The following BRD4 variants were observed in gnomAD, a reference collection of about 807,000 sequenced individuals.
BRD4 encodes bromodomain containing 4.
Under a neutral mutation model 142.1 loss-of-function variants are expected in BRD4, and 16 were observed. The observed-to-expected ratio is 0.11, with a 90% CI of 0.08 to 0.17. BRD4 has a LOEUF of 0.17. Ranked by LOEUF, BRD4 falls within the 10% of genes least tolerant of loss-of-function variation. The pLI is 1.00. For missense variants in BRD4, 1,424 were observed against 1,810.9 expected (o/e 0.79, Z 3.88); for synonymous variants, 833 against 707.5 (o/e 1.18, Z -2.82).
intron 8 of BRD4, 96 bp downstream of exon 8, chr19:15,256,868 G>A: frequency 8.8e-7 from 1 of 1,134,144 alleles, no homozygotes; most frequent in Non-Finnish European, 1.2e-6. Flanking sequence ...GCTCCCTTGG[G>A]AACTCAGAAC....
intron 1 of BRD4, among the ~76,000 whole-genome samples, chr19:15,323,944 T>TCC (rs1277040175): frequency 2.6e-5 from 4 of 152,140 alleles, no homozygotes; most frequent in Non-Finnish European, 4.4e-5. Flanking sequence ...ACCCACATGG[T>TCC]CCCCCTTTTG....
intron 1 of BRD4, among the ~76,000 whole-genome samples, chr19:15,310,213 CTT>C (rs34519343): frequency 1.4e-4 from 17 of 122,382 alleles, no homozygotes; most frequent in Non-Finnish European, 1.2e-4. Flanking sequence ...TTAAACAGTC[CTT>C]TTTTTTTTTT....
chr19:15,236,978 G>A lies in BRD4; in HGVS notation c.*1399C>T, dbSNP rs1426352467. The A allele has an allele frequency of 9.8e-6, 2 of 204,482 alleles. No homozygotes were observed. Among genetic ancestry groups the A allele is most frequent in the African/African-American group, 4.7e-5 (2 of 42,784 alleles). The allele number at this position is 204,482 out of a possible 1,614,324, so 12.7% of individuals were successfully genotyped here. A position where few individuals can be genotyped will look rare whatever the true frequency, so the allele number is the denominator to read the frequency against. ...GTCGTGGTGTAGAGTGGGTTCTCATGGCACGCGTAACCTCACCAGGGGCTC... is the reference window on the plus strand; with the variant it reads ...GTCGTGGTGTAGAGTGGGTTCTCATAGCACGCGTAACCTCACCAGGGGCTC... On this transcript the variant is annotated 3_prime_UTR_variant, in exon 20 of 20. Coordinates refer to ENST00000679869, the MANE Select transcript of BRD4 (RefSeq NM_001379291.1).
intron 1 of BRD4, among the ~76,000 whole-genome samples, chr19:15,284,148 G>A (rs1324167895): frequency 6.6e-6 from 1 of 152,010 alleles, no homozygotes; most frequent in Non-Finnish European, 1.5e-5. Flanking sequence ...AGAAAGATCT[G>A]GAAAAAACGT....
Position 15,235,581 on chromosome 19 carries a change from A to T in BRD4, c.*2796T>A, listed in dbSNP as rs1344538030. The T allele has an allele frequency of 6.6e-6, 1 of 151,006 alleles. No individual in the cohort carries two copies. The highest frequency in any genetic ancestry group is 1.5e-5 in the Non-Finnish European group (1 of 67,664). The allele number at this position is 151,006 out of a possible 1,614,324, so 9.4% of individuals were successfully genotyped here. A position where few individuals can be genotyped will look rare whatever the true frequency, so the allele number is the denominator to read the frequency against. ...GAGAACTGCACAAAAAAAAAAAAAA[A>T]CCTTTCGTATGTAAGTGAAAAGTCT... On this transcript the variant is annotated 3_prime_UTR_variant, in exon 20 of 20. Transcript: ENST00000679869.
At position 15,249,911 on chromosome 19, in the gene BRD4, T is replaced by C. The variant is rs147311078; in HGVS notation, c.2158+4241A>G. On this transcript the variant is annotated intron_variant, in intron 11 of 19. Transcript: ENST00000679869. ...AAACTCTAAAAAGCAGAACCTATTA[T>C]ATACACTGTTGAGGAGGAGAAAAAA... 3.2e-3 allele frequency among the ~76,000 whole-genome samples: 480 copies of C among 152,272 alleles called. 1 individual carries two copies. The highest frequency in any genetic ancestry group is 5.0e-3 in the Non-Finnish European group (339 of 68,014).
chr19:15,297,897 C>T (rs2047837043), intron 1 of BRD4, among the ~76,000 whole-genome samples: 1 of 152,166 alleles, frequency 6.6e-6, no homozygotes, highest in Non-Finnish European at 1.5e-5. Context: ...AGAGTGCTGC[C>T]TACATGTGTG....
intron 1 of BRD4, among the ~76,000 whole-genome samples, chr19:15,317,003 C>G (rs749695973): frequency 2.0e-5 from 3 of 152,178 alleles, no homozygotes; most frequent in African/African-American, 7.2e-5. Flanking sequence ...TGAGCTCTAC[C>G]CTGTGCTCAC....
intron 1 of BRD4, among the ~76,000 whole-genome samples, chr19:15,327,868 T>C: frequency 1.3e-5 from 1 of 77,352 alleles, no homozygotes; most frequent in Non-Finnish European, 2.4e-5. Flanking sequence ...GGGGCAAAAG[T>C]GGCGGGGGGT....
intron 11 of BRD4, chr19:15,245,093 T>C: frequency 2.4e-6 from 1 of 423,862 alleles, no homozygotes; most frequent in Non-Finnish European, 4.3e-6. Flanking sequence ...CTCACTATAG[T>C]GACTGAGTGC....
chr19:15,268,646 C>G (rs2047557411), intron 3 of BRD4, among the ~76,000 whole-genome samples: 1 of 152,110 alleles, frequency 6.6e-6, no homozygotes, highest in African/African-American at 2.4e-5. Flanking sequence ...CCCAAGGGCA[C>G]CAGAAGCACA....
chr19:15,327,454 G>A (rs1435361914), intron 1 of BRD4, among the ~76,000 whole-genome samples: 1 of 152,176 alleles, frequency 6.6e-6, no homozygotes, highest in Non-Finnish European at 1.5e-5. Flanking sequence ...TGAAGCAGGA[G>A]AAGTGCTTGA....
rs765989621 is a variant in BRD4 at position 15,239,526 on chromosome 19, G to C, written c.3446-4C>G. 1 of 1,609,994 alleles carries C rather than the reference G, an allele frequency of 6.2e-7. No homozygotes were observed. Among genetic ancestry groups the C allele is most frequent in the East Asian group, 2.2e-5 (1 of 44,814 alleles). ...TCCACAGGCTTCATTTCCGGCCCTG[G>C]AACATAAACAGCCGGTGGGCCCTGG... On this transcript the variant is annotated splice_region_variant and splice_polypyrimidine_tract_variant and intron_variant, in intron 16 of 19. Coordinates refer to ENST00000679869, the MANE Select transcript of BRD4 (RefSeq NM_001379291.1). This position sits in a 1 kb window ranked among gnomAD's most constrained non-coding sequence, Gnocchi z 7.4.
At chr19:15,326,510 AAAC>A (rs1250773070) in intron 1 of BRD4, among the ~76,000 whole-genome samples, 1 of 152,144 alleles carries the variant, frequency 6.6e-6, no homozygotes, top group Admixed American at 6.6e-5. Flanking sequence ...TTAAAATTAA[AAAC>A]AAAGAACTTC....
At chr19:15,253,671 C>A (rs1458833898) in intron 11 of BRD4, 1 of 1,598,270 alleles carries the variant, frequency 6.3e-7, no homozygotes, top group African/African-American at 1.3e-5. Context: ...CAGCTGCAGT[C>A]TGCTCCACAT....
chr19:15,277,116 C>T (rs1012268292), intron 1 of BRD4, among the ~76,000 whole-genome samples: 2 of 152,182 alleles, frequency 1.3e-5, no homozygotes, highest in South Asian at 2.1e-4. Flanking sequence ...TTCATACTGA[C>T]CTGTGGCCAA....
intron 11 of BRD4, chr19:15,253,587 C>T (rs1433627403): frequency 4.4e-6 from 7 of 1,587,036 alleles, no homozygotes; most frequent in Non-Finnish European, 5.1e-6. Context: ...AACGAGCACA[C>T]TCTGGGGAGG....
At chr19:15,294,752 C>A (rs1232967269) in intron 1 of BRD4, among the ~76,000 whole-genome samples, 1 of 152,248 alleles carries the variant, frequency 6.6e-6, no homozygotes, top group African/African-American at 2.4e-5. Flanking sequence ...ATCGCTATCT[C>A]CTCAGAGCCT....
intron 1 of BRD4, among the ~76,000 whole-genome samples, chr19:15,305,343 G>A (rs1264005445): frequency 6.6e-6 from 1 of 152,148 alleles, no homozygotes; most frequent in Non-Finnish European, 1.5e-5. Context: ...CACCCAGCCT[G>A]AAATGTTATT....
Sources: gnomAD v4.1 joint callset for allele counts (sites outside exome capture counted in the v4.1 genomes callset) on GRCh38, gnomAD v4.1.1 for gene constraint, Gnocchi (gnomAD v3.1) non-coding constraint, MANE v1.5 for transcripts, NCBI Gene and HGNC (gene_info 2026-07-23, HGNC 2026-07-21) for gene names.